The following UBN2 variants were observed in gnomAD, a reference collection of about 807,000 sequenced individuals.
UBN2 encodes ubinuclein-2.
UBN2 carries 35 observed loss-of-function variants against 120.2 expected under a neutral mutation model. The ratio of observed to expected loss-of-function variants is 0.29; its 90% CI spans 0.22 to 0.39. UBN2 has a LOEUF of 0.39. Among genes scored for constraint, UBN2 ranks in the 10% least tolerant of loss-of-function variants. The pLI is 1.00. For synonymous variants in UBN2, 661 were observed against 648.7 expected (o/e 1.02, Z -0.29); for missense variants, 1,693 against 1,663.2 (o/e 1.02, Z -0.31).
At chr7:139,290,606 G>T (rs1243984943) in intron 15 of UBN2, among the ~76,000 whole-genome samples, 1 of 152,204 alleles carries the variant, frequency 6.6e-6, no homozygotes, top group Non-Finnish European at 1.5e-5. Flanking sequence ...TTCAGCTTTG[G>T]ATATGTCAAG....
At chr7:139,258,816 A>G (rs537504288) in intron 4 of UBN2, among the ~76,000 whole-genome samples, 191 bp downstream of exon 4, 2 of 152,302 alleles carry the variant, frequency 1.3e-5, no homozygotes, top group African/African-American at 4.8e-5. Context: ...TCATAGAATT[A>G]TATTTTCTTA....
At chr7:139,329,350 T>G in the UBN2 span, among the ~76,000 whole-genome samples, 3 of 152,014 alleles carry the variant, frequency 2.0e-5, no homozygotes, top group Non-Finnish European at 4.4e-5. Flanking sequence ...GTTGCTTATC[T>G]GCTGAGACAG....
At chr7:139,250,416 A>G (rs777245433) in intron 2 of UBN2, among the ~76,000 whole-genome samples, 5 of 151,940 alleles carry the variant, frequency 3.3e-5, no homozygotes, top group Non-Finnish European at 5.9e-5. Context: ...TATTTTTAGT[A>G]TAGATGGGCC....
chr7:139,301,250 T>C lies in UBN2; in HGVS notation c.*3414T>C, dbSNP rs1202569196. On this transcript the variant is annotated 3_prime_UTR_variant, in exon 18 of 18. Transcript: ENST00000473989. ...TTGAAAACAACTTATTGGACATGATTTTTAACCCAGGATATTTTTTTCCCA... is the reference window on the plus strand; with the variant it reads ...TTGAAAACAACTTATTGGACATGATCTTTAACCCAGGATATTTTTTTCCCA... The C allele has an allele frequency of 6.6e-6, 1 of 152,176 alleles. No homozygotes were observed. The highest frequency in any genetic ancestry group is 1.9e-4 in the East Asian group (1 of 5,196). The allele number at this position is 152,176 out of a possible 1,614,324, so 9.4% of individuals were successfully genotyped here. A position where few individuals can be genotyped will look rare whatever the true frequency, so the allele number is the denominator to read the frequency against.
intron 11 of UBN2, among the ~76,000 whole-genome samples, chr7:139,274,381 A>G (rs567152244): frequency 1.3e-5 from 2 of 152,160 alleles, no homozygotes; most frequent in Non-Finnish European, 2.9e-5. Context: ...TTGGGAGAGG[A>G]GCTTTATAGG....
Position 139,231,532 on chromosome 7 carries a change from G to A in UBN2, c.48G>A (p.Arg16=). Residue 16 remains arginine, a synonymous_variant, in exon 1 of 18, where the codon CGG becomes CGA. Transcript: ENST00000473989. The part of the protein sequence containing the change: ...RVAFISLSPV[R]RREAEYPGPE... The stretch of plus-strand genomic sequence containing the variant: ...CGTTCATTAGCTTGTCACCGGTGCG[G>A]CGGCGCGAGGCCGAGTACCCGGGGC... 1 of 1,420,140 alleles carries A rather than the reference G, an allele frequency of 7.0e-7. No homozygotes were observed. The highest frequency in any genetic ancestry group is 9.3e-7 in the Non-Finnish European group (1 of 1,079,148). The allele number at this position is 1,420,140 out of a possible 1,614,324, so 88.0% of individuals were successfully genotyped here. A position where few individuals can be genotyped will look rare whatever the true frequency, so the allele number is the denominator to read the frequency against.
chr7:139,266,265 G>T, intron 6 of UBN2, 68 bp from the exon 7 acceptor site: 1 of 873,842 alleles, frequency 1.1e-6, no homozygotes, highest in Non-Finnish European at 1.8e-6. Context: ...CTTTGAACAC[G>T]TGTCCTAAGA....
In UBN2 at chr7:139,266,699, A is replaced by G. The variant is rs575568498; in HGVS notation, c.1466+296A>G. 9.2e-5 allele frequency among the ~76,000 whole-genome samples: 14 copies of G among 152,326 alleles called. No individual in the cohort carries two copies. The East Asian group carries it at 2.7e-3, about 29-fold the overall frequency. ...CGTACTTCATACCACCTTATATGAA[A>G]GTATCTTTCTGGGAAATGTTAGAGC... On this transcript the variant is annotated intron_variant, in intron 7 of 17. Transcript: ENST00000473989.
chr7:139,284,141 C>A lies in UBN2; in HGVS notation c.3236C>A (p.Ser1079Tyr). 2 of 1,614,130 alleles carry A rather than the reference C, an allele frequency of 1.2e-6. No homozygotes were observed. The highest frequency in any genetic ancestry group is 8.5e-7 in the Non-Finnish European group (1 of 1,180,030). ...GTATCAACTAAACTTATTTCTAAAT[C>A]CAACCCAACTCCCAAGCCTACTGTA... ...PSVSTKLISKSNPTPKPTVSP... is the reference protein window; with the variant it reads ...PSVSTKLISKYNPTPKPTVSP... Residue 1079 changes from serine (S) to tyrosine (Y), a missense_variant, in exon 15 of 18, where the codon TCC becomes TAC. Ser to Tyr is a moderately radical substitution (Grantham distance 144). This residue lies in a region of UBN2 where 837 missense variants were observed against 817.6 expected (regional missense o/e 1.02). Coordinates refer to ENST00000473989, the MANE Select transcript of UBN2 (RefSeq NM_173569.4).
intron 2 of UBN2, among the ~76,000 whole-genome samples, chr7:139,251,547 A>T (rs954415898): frequency 1.3e-5 from 2 of 152,162 alleles, no homozygotes; most frequent in African/African-American, 4.8e-5. Context: ...GAAGGTGGTC[A>T]CTCATTTCAT....
In UBN2 at chr7:139,231,894, C is replaced by T; in HGVS notation, c.410C>T (p.Thr137Ile). The T allele has an allele frequency of 2.5e-6, 4 of 1,586,678 alleles. No homozygotes were observed. The highest frequency in any genetic ancestry group is 1.7e-5 in the Admixed American group (1 of 59,282). The change falls in exon 1 of 18, where the codon ACC becomes ATC. Residue 137 changes from threonine (T) to isoleucine (I), a missense_variant. By Grantham distance (89) the Thr-to-Ile change is moderately conservative. Transcript: ENST00000473989. The part of the protein sequence containing the change: ...VRLELVLKDP[T>I]DESCVEFSYP... Reference sequence around the variant, plus strand: ...CTGGAGCTGGTGCTTAAGGACCCCACCGACGAGAGCTGCGTGGAGTTCAGT... The same window carrying T: ...CTGGAGCTGGTGCTTAAGGACCCCATCGACGAGAGCTGCGTGGAGTTCAGT...
intron 8 of UBN2, among the ~76,000 whole-genome samples, chr7:139,270,328 G>A (rs537992519): frequency 1.4e-3 from 216 of 150,686 alleles, no homozygotes; most frequent in Admixed American, 3.5e-3. Flanking sequence ...GAGTGCAGTG[G>A]CGCGATCTCA....
In UBN2 at chr7:139,304,120, G is replaced by A. The variant is rs1235917835; in HGVS notation, c.*6284G>A. The A allele has an allele frequency of 6.6e-6, 1 of 152,174 alleles. No homozygotes were observed. Among genetic ancestry groups the A allele is most frequent in the African/African-American group, 2.4e-5 (1 of 41,432 alleles). 9.4% of individuals were successfully genotyped at this position (152,174 alleles called of 1,614,324 possible). ...CTCATTCTTGCAAATCAGAGATTGTGTACTAATTCCATTAACTGTAGGTGT... is the reference window on the plus strand; with the variant it reads ...CTCATTCTTGCAAATCAGAGATTGTATACTAATTCCATTAACTGTAGGTGT... On this transcript the variant is annotated 3_prime_UTR_variant, in exon 18 of 18. Coordinates refer to ENST00000473989, the MANE Select transcript of UBN2 (RefSeq NM_173569.4).
At chr7:139,255,088 T>C (rs900709904) in intron 3 of UBN2, among the ~76,000 whole-genome samples, 2 of 152,212 alleles carry the variant, frequency 1.3e-5, no homozygotes, top group Non-Finnish European at 2.9e-5. Flanking sequence ...CTTAAAATCT[T>C]CTGTGCTCTG....
At chr7:139,280,239 G>T (rs1436273856) in intron 13 of UBN2, among the ~76,000 whole-genome samples, 3 of 152,106 alleles carry the variant, frequency 2.0e-5, no homozygotes. Context: ...ACAATAAACA[G>T]CAGTTAGATC....
chr7:139,233,196 A>G (rs1312986141), intron 1 of UBN2, among the ~76,000 whole-genome samples: 1 of 152,208 alleles, frequency 6.6e-6, no homozygotes, highest in Non-Finnish European at 1.5e-5. Flanking sequence ...TCATTACAAA[A>G]TGTTTTCAAC....
In UBN2 at chr7:139,231,527, G is replaced by A. The variant is rs1401332397; in HGVS notation, c.43G>A (p.Val15Met). The change falls in exon 1 of 18, where the codon GTG (valine) becomes ATG (methionine). Residue 15 changes from valine to methionine, a missense_variant. Physicochemically the swap from Val to Met is conservative, Grantham distance 21. Around this residue, in one of 5 missense-constraint regions of UBN2, gnomAD observed 663 missense variants for 591.2 expected, o/e 1.12. Transcript: ENST00000473989. ...RRVAFISLSP[V>M]RRREAEYPGP... ...AGTAGCGTTCATTAGCTTGTCACCG[G>A]TGCGGCGGCGCGAGGCCGAGTACCC... 1.4e-6 allele frequency: 2 copies of A among 1,420,222 alleles called. No individual in the cohort carries two copies. The highest frequency in any genetic ancestry group is 3.0e-5 in the African/African-American group (2 of 67,550). 88.0% of individuals were successfully genotyped at this position (1,420,222 alleles called of 1,614,324 possible).
intron 7 of UBN2, among the ~76,000 whole-genome samples, chr7:139,266,939 T>G (rs1408331113): frequency 6.6e-6 from 1 of 152,166 alleles, no homozygotes; most frequent in Admixed American, 6.5e-5. Context: ...AAGGTGAAGG[T>G]AGATATATAA....
In UBN2 at chr7:139,231,525, C is replaced by A. The variant is rs1796008250; in HGVS notation, c.41C>A (p.Pro14Gln). The A allele has an allele frequency of 1.4e-6, 2 of 1,416,348 alleles. No individual in the cohort carries two copies. Among genetic ancestry groups the A allele is most frequent in the African/African-American group, 1.5e-5 (1 of 67,426 alleles). The allele number at this position is 1,416,348 out of a possible 1,614,324, so 87.7% of individuals were successfully genotyped here. ...AGAGTAGCGTTCATTAGCTTGTCAC[C>A]GGTGCGGCGGCGCGAGGCCGAGTAC... ...PRRVAFISLS[P>Q]VRRREAEYPG... Residue 14 changes from proline to glutamine, a missense_variant, in exon 1 of 18, where the codon CCG becomes CAG. Transcript: ENST00000473989.
Sources: gnomAD v4.1 joint callset for allele counts (sites outside exome capture counted in the v4.1 genomes callset) on GRCh38, gnomAD v4.1.1 for gene constraint, gnomAD v4.1.1 regional missense constraint, MANE v1.5 for transcripts, NCBI Gene and HGNC (gene_info 2026-07-23, HGNC 2026-07-21) for gene names.